PIGU: variants seen among roughly 807,000 people sequenced by gnomAD.
PIGU encodes the protein GPI-anchor transamidase component PIGU.
A neutral mutation model predicts 49.9 loss-of-function variants in PIGU; 24 were observed. That is an observed-to-expected ratio of 0.48 (90% CI 0.35 to 0.68). The LOEUF is 0.68. Among genes scored for constraint, PIGU ranks in the 30% least tolerant of loss-of-function variants. PIGU has a pLI of 0.01. For synonymous variants in PIGU, 220 were observed against 205.7 expected, an observed-to-expected ratio of 1.07 and a Z score of -0.59; for missense variants, 490 against 532.6, an observed-to-expected ratio of 0.92 and a Z score of 0.79.
chr20:34,648,354 T>A (rs982228209), intron 2 of PIGU, among the ~76,000 whole-genome samples: 1 of 152,128 alleles, frequency 6.6e-6, no homozygotes, highest in African/African-American at 2.4e-5. Flanking sequence ...AATTACTATA[T>A]CTTCTGGGTG....
chr20:34,636,800 T>C (rs1261346941), intron 5 of PIGU, among the ~76,000 whole-genome samples: 1 of 151,952 alleles, frequency 6.6e-6, no homozygotes, highest in Non-Finnish European at 1.5e-5. Context: ...ATCCAATACC[T>C]CCCACGACTG....
chr20:34,657,917 TAATA>T (rs1033484236), intron 1 of PIGU, among the ~76,000 whole-genome samples: 12 of 151,974 alleles, frequency 7.9e-5, no homozygotes, highest in Admixed American at 7.9e-4. Flanking sequence ...GTGTTATAAA[TAATA>T]AATAACCTCT....
intron 7 of PIGU, among the ~76,000 whole-genome samples, chr20:34,595,095 C>CAAAAA (rs71194627): frequency 6.4e-3 from 457 of 71,008 alleles, no homozygotes; most frequent in East Asian, 0.011. Context: ...GACTCCGTCT[C>CAAAAA]AAAAAAAAAA....
Position 34,588,689 on chromosome 20 carries a change from C to T in PIGU, c.628-82G>A, listed in dbSNP as rs552395728. 54 of 1,335,862 alleles carry T rather than the reference C, an allele frequency of 4.0e-5. 1 individual carries two copies. The highest frequency in any genetic ancestry group is 3.4e-4 in the East Asian group (14 of 41,644). The allele number at this position is 1,335,862 out of a possible 1,614,324, so 82.8% of individuals were successfully genotyped here. ...TTAGCTTACACTTAAAGATCCCTCC[C>T]GCAAAACCATACTATGATACACAGG... On this transcript the variant is annotated intron_variant, in intron 7 of 11. Coordinates refer to ENST00000217446, the MANE Select transcript of PIGU (RefSeq NM_080476.5).
chr20:34,670,501 G>T (rs915606893), intron 1 of PIGU, among the ~76,000 whole-genome samples: 1 of 149,704 alleles, frequency 6.7e-6, no homozygotes, highest in African/African-American at 2.5e-5. Context: ...GGCCATAAAG[G>T]CTTTTTTAAG....
At chr20:34,634,522 T>TAAAAAAAAA in intron 6 of PIGU, 93 bp downstream of exon 6, 1 of 1,204,642 alleles carries the variant, frequency 8.3e-7, no homozygotes, top group African/African-American at 1.6e-5. Flanking sequence ...AGTGTTGCAT[T>TAAAAAAAAA]AAAAAAAAAA....
intron 1 of PIGU, among the ~76,000 whole-genome samples, chr20:34,659,457 G>T (rs1157506721): frequency 1.3e-5 from 2 of 150,286 alleles, no homozygotes; most frequent in African/African-American, 2.5e-5. Flanking sequence ...CCGGCCAGCC[G>T]CCCCGTCCGG....
chr20:34,676,388 C>T (rs1344032207), intron 1 of PIGU, among the ~76,000 whole-genome samples: 3 of 152,334 alleles, frequency 2.0e-5, no homozygotes, highest in South Asian at 4.1e-4. Context: ...ACTTCGCTTT[C>T]TCGCTGTAGG....
At chr20:34,588,113 G>A (rs1367955960) in intron 8 of PIGU, among the ~76,000 whole-genome samples, 4 of 152,038 alleles carry the variant, frequency 2.6e-5, no homozygotes, top group East Asian at 1.9e-4. Context: ...TTAGCCGGGC[G>A]TGGTGGTGCA....
chr20:34,594,635 G>A (rs74924282), intron 7 of PIGU, among the ~76,000 whole-genome samples: 2 of 152,252 alleles, frequency 1.3e-5, no homozygotes, highest in Non-Finnish European at 2.9e-5. Flanking sequence ...TTAACTGGGC[G>A]TGGTGGCAGG....
rs759103027 is a variant in PIGU at position 34,655,968 on chromosome 20, CT to C, written c.195+1211del. ...CCTAATTAAGAGTGTTTTCACTATT[CT>C]TTTTTTTTTTTTTTTTTTTTTTGAG... On this transcript the variant is annotated intron_variant, in intron 2 of 11. Transcript: ENST00000217446. Among the ~76,000 whole-genome samples, 687 of 76,780 alleles carry C rather than the reference CT, an allele frequency of 8.9e-3. 15 individuals are homozygous for C. The highest frequency in any genetic ancestry group is 0.031 in the African/African-American group (613 of 19,590). 50.4% of individuals were successfully genotyped at this position (76,780 alleles called of 152,430 possible).
chr20:34,590,638 C>CAT (rs1568629321), intron 7 of PIGU, among the ~76,000 whole-genome samples: 85 of 116,074 alleles, frequency 7.3e-4, no homozygotes, highest in African/African-American at 2.2e-3. Context: ...TAACATAACA[C>CAT]AACAACAAAA....
chr20:34,607,449 G>A (rs771211519), intron 7 of PIGU, among the ~76,000 whole-genome samples: 24 of 152,148 alleles, frequency 1.6e-4, no homozygotes, highest in Non-Finnish European at 3.1e-4. Context: ...CCTTGATGGC[G>A]GGACCTCGGA....
At chr20:34,658,274 C>T (rs1468797479) in intron 1 of PIGU, among the ~76,000 whole-genome samples, 2 of 152,370 alleles carry the variant, frequency 1.3e-5, no homozygotes, top group African/African-American at 2.4e-5. Context: ...GGATTGCAGA[C>T]GGAGTCTCGT....
At chr20:34,646,484 G>A (rs1205049787) in intron 2 of PIGU, among the ~76,000 whole-genome samples, 4 of 152,052 alleles carry the variant, frequency 2.6e-5, no homozygotes, top group Non-Finnish European at 4.4e-5. Flanking sequence ...TCTTGGCTCA[G>A]AGCAACCTCC....
At chr20:34,645,062 C>T (rs1466526794) in intron 3 of PIGU, among the ~76,000 whole-genome samples, 1 of 150,786 alleles carries the variant, frequency 6.6e-6, no homozygotes, top group African/African-American at 2.4e-5. Flanking sequence ...TTCTTAAACA[C>T]AAGATGACAA....
At chr20:34,633,157 CT>C (rs1985844549) in intron 6 of PIGU, among the ~76,000 whole-genome samples, 1 of 152,122 alleles carries the variant, frequency 6.6e-6, no homozygotes, top group Non-Finnish European at 1.5e-5. Context: ...GGTGCTGATA[CT>C]GATTCAATAA....
intron 6 of PIGU, among the ~76,000 whole-genome samples, chr20:34,620,621 C>T (rs943075552): frequency 3.3e-5 from 5 of 151,926 alleles, no homozygotes; most frequent in African/African-American, 1.2e-4. Flanking sequence ...ACCATCCTGA[C>T]TAACACGGTG....
At position 34,560,896 on chromosome 20, in the gene PIGU, A is replaced by G. The variant is rs1235656742; in HGVS notation, c.1278T>C (p.Asp426=). 2 of 1,612,178 alleles carry G rather than the reference A, an allele frequency of 1.2e-6. No homozygotes were observed. The highest frequency in any genetic ancestry group is 4.5e-5 in the East Asian group (2 of 44,818). The change falls in exon 12 of 12, where the codon GAT becomes GAC. Residue 426 remains aspartate (D), a synonymous_variant. Coordinates refer to ENST00000217446, the MANE Select transcript of PIGU (RefSeq NM_080476.5). Reference sequence around the variant, plus strand: ...TGAGCACGAGCATGGCCTCTGTGCCATCCTTGGCGGTCAAGTAGAGGCCAT... The same window carrying G: ...TGAGCACGAGCATGGCCTCTGTGCCGTCCTTGGCGGTCAAGTAGAGGCCAT... ...LTHGLYLTAK[D]GTEAMLVLK
Sources: gnomAD v4.1 joint callset for allele counts (sites outside exome capture counted in the v4.1 genomes callset) on GRCh38, gnomAD v4.1.1 for gene constraint, MANE v1.5 for transcripts, NCBI Gene and HGNC (gene_info 2026-07-23, HGNC 2026-07-21) for gene names.